SOS2: variants seen among roughly 807,000 people sequenced by gnomAD.
The protein encoded by SOS2 is son of sevenless homolog 2.
In SOS2, 65 loss-of-function variants were observed where a neutral mutation model predicts 148.2. The observed-to-expected ratio is 0.44, with a 90% CI of 0.36 to 0.54. SOS2 has a LOEUF of 0.54. Ranked by LOEUF, SOS2 falls within the 20% of genes least tolerant of loss-of-function variation. SOS2 has a pLI of 0.00. For synonymous variants in SOS2, 539 were observed against 537.1 expected (o/e 1.00, Z -0.05); for missense variants, 1,341 against 1,590.2 (o/e 0.84, Z 2.67).
At chr14:50,206,792 ACTTT>A (rs756079095) in intron 1 of SOS2, among the ~76,000 whole-genome samples, 7 of 152,172 alleles carry the variant, frequency 4.6e-5, no homozygotes, top group East Asian at 1.9e-4. Flanking sequence ...CAGAAAACAT[ACTTT>A]CTTTTTCATT....
chr14:50,147,900 T>C (rs1462116679), intron 14 of SOS2, among the ~76,000 whole-genome samples: 1 of 151,740 alleles, frequency 6.6e-6, no homozygotes, highest in East Asian at 2.0e-4. Context: ...GCAGGAGGAC[T>C]GCCTGAGGCC....
At position 50,118,871 on chromosome 14, in the gene SOS2, T is replaced by C; in HGVS notation, c.3490-18A>G. The C allele has an allele frequency of 7.1e-7, 1 of 1,405,562 alleles. No individual in the cohort carries two copies. The highest frequency in any genetic ancestry group is 9.4e-7 in the Non-Finnish European group (1 of 1,058,700). The allele number at this position is 1,405,562 out of a possible 1,614,324, so 87.1% of individuals were successfully genotyped here. A position where few individuals can be genotyped will look rare whatever the true frequency, so the allele number is the denominator to read the frequency against. On this transcript the variant is annotated intron_variant, in intron 22 of 22. Coordinates refer to ENST00000216373, the MANE Select transcript of SOS2 (RefSeq NM_006939.4). ...ATATTTCCCTCAAAAAAAAAAGTAA[T>C]TAAATTATACCTCTATTCTGAAAAA... is the stretch of plus-strand genomic sequence containing the variant.
chr14:50,224,003 T>A (rs992746586), intron 1 of SOS2, among the ~76,000 whole-genome samples: 7 of 151,660 alleles, frequency 4.6e-5, no homozygotes, highest in Non-Finnish European at 8.8e-5. Flanking sequence ...GTCTAAAAAT[T>A]GGCCAGGCGC....
chr14:50,133,627 C>G (rs1883980072), intron 19 of SOS2, among the ~76,000 whole-genome samples: 1 of 152,174 alleles, frequency 6.6e-6, no homozygotes, highest in African/African-American at 2.4e-5. Flanking sequence ...TCTTGCTTCA[C>G]TTTTAGCTAC....
At chr14:50,207,554 G>GAA (rs1231419546) in intron 1 of SOS2, among the ~76,000 whole-genome samples, 1 of 130,966 alleles carries the variant, frequency 7.6e-6, no homozygotes. Context: ...TATGAATCCA[G>GAA]AAAAAAAAAA....
chr14:50,185,170 G>A (rs1262645904), intron 5 of SOS2, among the ~76,000 whole-genome samples: 2 of 152,236 alleles, frequency 1.3e-5, no homozygotes, highest in African/African-American at 2.4e-5. Context: ...TGATCAGTTC[G>A]GAGCACAGTT....
chr14:50,185,642 G>A (rs563332588), intron 5 of SOS2, among the ~76,000 whole-genome samples: 8 of 150,130 alleles, frequency 5.3e-5, no homozygotes, highest in African/African-American at 2.0e-4. Flanking sequence ...CAGTGAGCCA[G>A]GACTGCACCA....
intron 5 of SOS2, among the ~76,000 whole-genome samples, chr14:50,187,909 C>T (rs990158834): frequency 6.6e-6 from 1 of 152,104 alleles, no homozygotes; most frequent in African/African-American, 2.4e-5. Context: ...CTAGACCATA[C>T]ATCTTTTTCA....
At chr14:50,149,582 G>C (rs537032840) in intron 14 of SOS2, among the ~76,000 whole-genome samples, 34 of 152,288 alleles carry the variant, frequency 2.2e-4, no homozygotes, top group African/African-American at 7.9e-4. Flanking sequence ...TTTTTCGACA[G>C]AGAGCTGTTA....
At chr14:50,222,138 T>C (rs1017544564) in intron 1 of SOS2, among the ~76,000 whole-genome samples, 1 of 152,176 alleles carries the variant, frequency 6.6e-6, no homozygotes, top group Admixed American at 6.6e-5. Context: ...TAAATTCCAT[T>C]CAGCACATTT....
At chr14:50,202,812 T>C (rs17715400) in intron 2 of SOS2, among the ~76,000 whole-genome samples, 47,974 of 151,894 alleles carry the variant, frequency 0.32, 8,784 homozygotes, top group Non-Finnish European at 0.42. Context: ...CCAAGAATCC[T>C]GGAAAATCTT....
At chr14:50,139,843 G>T in intron 17 of SOS2, 99 bp downstream of exon 17, 1 of 567,916 alleles carries the variant, frequency 1.8e-6, no homozygotes, top group South Asian at 2.9e-5. Context: ...AAAAGTAGAT[G>T]AGCTCAGATA....
chr14:50,211,399 G>C (rs995862906), intron 1 of SOS2, among the ~76,000 whole-genome samples: 1 of 152,060 alleles, frequency 6.6e-6, no homozygotes, highest in Non-Finnish European at 1.5e-5. Flanking sequence ...ATTGTGTCAT[G>C]CTGAGGTTTG....
chr14:50,156,992 G>C lies in SOS2; in HGVS notation c.2057+7C>G. The C allele has an allele frequency of 6.5e-7, 1 of 1,540,018 alleles. No homozygotes were observed. Among genetic ancestry groups the C allele is most frequent in the Non-Finnish European group, 8.8e-7 (1 of 1,133,886 alleles). ...ATATATATATATAAAAAATATTCAA[G>C]CCAAACCTAAGTTGTACTGGTTGGA... On this transcript the variant is annotated splice_region_variant and intron_variant, in intron 12 of 22. Coordinates refer to ENST00000216373, the MANE Select transcript of SOS2 (RefSeq NM_006939.4).
At chr14:50,212,970 A>G (rs183022046) in intron 1 of SOS2, among the ~76,000 whole-genome samples, 6 of 152,366 alleles carry the variant, frequency 3.9e-5, no homozygotes, top group Admixed American at 2.0e-4. Flanking sequence ...CTTAGATAGA[A>G]TAAGGTCCAA....
chr14:50,183,025 A>G (rs1431439207), intron 5 of SOS2, among the ~76,000 whole-genome samples: 2 of 152,248 alleles, frequency 1.3e-5, no homozygotes, highest in Non-Finnish European at 2.9e-5. Context: ...ATATAAAGCA[A>G]TATATTTCCA....
At position 50,188,571 on chromosome 14, in the gene SOS2, G is replaced by C; in HGVS notation, c.640C>G (p.Leu214Val). Reference sequence around the variant, plus strand: ...TTTATGATCATATTTAATTCCCGTAGATACTGTCTTTCTTCTGCGATTTCA... The same window carrying C: ...TTTATGATCATATTTAATTCCCGTACATACTGTCTTTCTTCTGCGATTTCA... ...RTEIAEERQYLRELNMIIKVF... is the reference protein window; with the variant it reads ...RTEIAEERQYVRELNMIIKVF... The change falls in exon 5 of 23, where the codon CTA becomes GTA. Residue 214 changes from leucine to valine, a missense_variant. By Grantham distance (32) the Leu-to-Val change is conservative. Transcript: ENST00000216373. 6.2e-7 allele frequency: 1 copy of C among 1,607,592 alleles called. No homozygotes were observed. The highest frequency in any genetic ancestry group is 8.5e-7 in the Non-Finnish European group (1 of 1,178,020).
Position 50,174,457 on chromosome 14 carries a change from T to C in SOS2, c.1065A>G (p.Leu355=). 2 of 1,568,990 alleles carry C rather than the reference T, an allele frequency of 1.3e-6. No individual in the cohort carries two copies. Among genetic ancestry groups the C allele is most frequent in the Non-Finnish European group, 1.7e-6 (2 of 1,146,368 alleles). The change falls in exon 8 of 23, where the codon CTA becomes CTG. Residue 355 remains leucine (L), a synonymous_variant. Coordinates refer to ENST00000216373, the MANE Select transcript of SOS2 (RefSeq NM_006939.4). ...AGATTCTGTTATAAAACCTTACCTT[T>C]AGTAACTCAAAGTAGTGCCAACAGT... ...VYHCWHYFEL[L]KQLKACSEEQ... is the part of the protein sequence containing the mutation.
chr14:50,166,536 G>A (rs546989281), intron 8 of SOS2, among the ~76,000 whole-genome samples: 1 of 152,060 alleles, frequency 6.6e-6, no homozygotes, highest in Non-Finnish European at 1.5e-5. Context: ...GCTTTAATGG[G>A]TAATATCTTA....
Sources: gnomAD v4.1 joint callset for allele counts (sites outside exome capture counted in the v4.1 genomes callset) on GRCh38, gnomAD v4.1.1 for gene constraint, MANE v1.5 for transcripts, NCBI Gene and HGNC (gene_info 2026-07-23, HGNC 2026-07-21) for gene names.